Variants in DCPH1 observed in about 807,000 individuals in gnomAD.
DCPH1 encodes the protein damage-control phosphatase 1.
the DCPH1 span, chr6:151,468,374 C>A: frequency 6.4e-7 from 1 of 1,568,084 alleles, no homozygotes. Flanking sequence ...TGTGATCTGT[C>A]TCTCTCAGGT....
the DCPH1 span, among the ~76,000 whole-genome samples, chr6:151,463,538 A>AGC: frequency 1.3e-5 from 2 of 152,158 alleles, no homozygotes; most frequent in South Asian, 4.1e-4. Flanking sequence ...AAGTGCTCTG[A>AGC]GCAATGGCAG....
At chr6:151,464,717 T>C in the DCPH1 span, 1 of 774,334 alleles carries the variant, frequency 1.3e-6, no homozygotes, top group Non-Finnish European at 1.9e-6. Context: ...TTTGCTATAA[T>C]TGATGATTTT....
At chr6:151,468,548 C>T in the DCPH1 span, 2 of 1,613,944 alleles carry the variant, frequency 1.2e-6, no homozygotes, top group Admixed American at 1.7e-5. Flanking sequence ...CTCGATAATT[C>T]TGGATTTGAG....
chr6:151,468,995 A>G, the DCPH1 span: 5 of 1,614,138 alleles, frequency 3.1e-6, no homozygotes, highest in Non-Finnish European at 4.2e-6. Context: ...AGAACATTAA[A>G]AGCTGAAATT....
chr6:151,464,598 G>T, the DCPH1 span: 1 of 1,607,346 alleles, frequency 6.2e-7, no homozygotes, highest in Non-Finnish European at 8.5e-7. Context: ...GCTGAAAGAT[G>T]AGTTTTTTAA....
the DCPH1 span, among the ~76,000 whole-genome samples, chr6:151,453,597 A>G: frequency 3.3e-5 from 5 of 152,214 alleles, no homozygotes; most frequent in Admixed American, 3.3e-4. Flanking sequence ...AAAGTTCTAT[A>G]GCTATCATTT....
chr6:151,454,398 G>A, the DCPH1 span: 268 of 536,268 alleles, frequency 5.0e-4, 1 homozygote, highest in African/African-American at 4.3e-3. Flanking sequence ...GTTTTCTTAT[G>A]TCTTAATATA....
At chr6:151,461,093 G>C in the DCPH1 span, among the ~76,000 whole-genome samples, 1 of 152,232 alleles carries the variant, frequency 6.6e-6, no homozygotes, top group Non-Finnish European at 1.5e-5. Flanking sequence ...AGTAGATTTA[G>C]ATGCCTGTCA....
chr6:151,469,355 CT>C, the DCPH1 span: 12 of 378,472 alleles, frequency 3.2e-5, no homozygotes, highest in Middle Eastern at 2.1e-3. Flanking sequence ...ATTTTAGCAA[CT>C]TTTTTTCAGG....
At chr6:151,468,162 A>T in the DCPH1 span, among the ~76,000 whole-genome samples, 1 of 152,256 alleles carries the variant, frequency 6.6e-6, no homozygotes, top group Non-Finnish European at 1.5e-5. Context: ...TATCTTGTTA[A>T]TACAGCATCA....
chr6:151,462,214 A>G, the DCPH1 span, among the ~76,000 whole-genome samples: 1 of 152,224 alleles, frequency 6.6e-6, no homozygotes, highest in Non-Finnish European at 1.5e-5. Context: ...ACTTTTTAAT[A>G]AAGTGTAATA....
At chr6:151,455,263 G>A in the DCPH1 span, among the ~76,000 whole-genome samples, 7 of 152,232 alleles carry the variant, frequency 4.6e-5, no homozygotes, top group Non-Finnish European at 1.0e-4. Flanking sequence ...AAGGTGGAAC[G>A]AGAGACTTGG....
chr6:151,462,244 A>G, the DCPH1 span, among the ~76,000 whole-genome samples: 1 of 152,220 alleles, frequency 6.6e-6, no homozygotes, highest in Non-Finnish European at 1.5e-5. Flanking sequence ...AAAAATGTGC[A>G]TGTCTTATGT....
chr6:151,466,784 G>T, the DCPH1 span, among the ~76,000 whole-genome samples: 1 of 152,186 alleles, frequency 6.6e-6, no homozygotes, highest in African/African-American at 2.4e-5. Context: ...AAGACGGTGT[G>T]AAGGGAAAGT....
At chr6:151,459,727 G>T in the DCPH1 span, among the ~76,000 whole-genome samples, 21 of 152,114 alleles carry the variant, frequency 1.4e-4, 1 homozygote, top group Admixed American at 1.4e-3. Context: ...GGAGGCGGAG[G>T]TTCCAGTAGC....
chr6:151,464,446 A>T, the DCPH1 span: 1 of 1,594,962 alleles, frequency 6.3e-7, no homozygotes, highest in Non-Finnish European at 8.5e-7. Flanking sequence ...TTTTTCTCCT[A>T]CTTTAGTCCA....
At chr6:151,463,204 TTTTAAG>T in the DCPH1 span, among the ~76,000 whole-genome samples, 2 of 152,220 alleles carry the variant, frequency 1.3e-5, no homozygotes, top group South Asian at 2.1e-4. Context: ...ATTTTTATCC[TTTTAAG>T]TCACCTTGAG....
At chr6:151,456,239 C>A in the DCPH1 span, among the ~76,000 whole-genome samples, 1 of 152,156 alleles carries the variant, frequency 6.6e-6, no homozygotes, top group Non-Finnish European at 1.5e-5. Context: ...CTTTCTATTA[C>A]ACAATAGACT....
chr6:151,452,835 G>A, the DCPH1 span: 4 of 438,134 alleles, frequency 9.1e-6, no homozygotes, highest in East Asian at 1.5e-4. Context: ...TTCGCGGTCT[G>A]TTCCTGGCGG....
Sources: allele counts gnomAD v4.1 joint callset (sites outside exome capture counted in the v4.1 genomes callset), GRCh38; gene constraint gnomAD v4.1.1; transcripts MANE v1.5; gene names NCBI Gene and HGNC (gene_info 2026-07-23, HGNC 2026-07-21).